CRTAC1: variants seen among roughly 807,000 people sequenced by gnomAD.
The protein encoded by CRTAC1 is cartilage acidic protein 1, also known as acidic secreted protein in cartilage.
CRTAC1 carries 37 observed loss-of-function variants against 67.8 expected under a neutral mutation model. The ratio of observed to expected loss-of-function variants is 0.55; its 90% confidence interval spans 0.42 to 0.72. The LOEUF (loss-of-function observed/expected upper bound fraction) is 0.72, where lower values mean the gene tolerates loss of function less well. CRTAC1 is among the 30% of genes least tolerant of loss of function. The probability of loss-of-function intolerance (pLI) is 0.00; values close to 1 mark genes in which losing one functional copy is unlikely to be tolerated. For synonymous variants in CRTAC1, 348 were observed against 371.0 expected (o/e 0.94, Z 0.71); for missense variants, 780 against 931.6 (o/e 0.84, Z 2.12).
At chr10:98,028,139 G>A (rs1410175111) in intron 1 of CRTAC1, among the ~76,000 whole-genome samples, 1 of 152,176 alleles carries the variant, frequency 6.6e-6, no homozygotes, top group Non-Finnish European at 1.5e-5. Flanking sequence ...GGGTGGGGCT[G>A]TGTACCAGCT....
At chr10:97,866,781 TGA>T (rs1462405083) in intron 14 of CRTAC1, 8 of 152,214 alleles carry the variant, frequency 5.3e-5, no homozygotes, top group African/African-American at 1.2e-4. Flanking sequence ...CATGTGTGTA[TGA>T]GTGTTCATGT....
At chr10:97,963,777 T>C (rs931432412) in intron 2 of CRTAC1, among the ~76,000 whole-genome samples, 3 of 152,226 alleles carry the variant, frequency 2.0e-5, no homozygotes, top group Non-Finnish European at 2.9e-5. Flanking sequence ...GTAAACACCA[T>C]GTATTGATAT....
intron 5 of CRTAC1, among the ~76,000 whole-genome samples, chr10:97,910,641 G>A (rs1227935697): frequency 6.6e-6 from 1 of 152,220 alleles, no homozygotes; most frequent in Non-Finnish European, 1.5e-5. Context: ...TTTCCCCAAA[G>A]TGACCATGCT....
chr10:98,002,889 C>T (rs1842720085), intron 2 of CRTAC1, among the ~76,000 whole-genome samples: 1 of 146,210 alleles, frequency 6.8e-6, no homozygotes, highest in African/African-American at 2.5e-5. Context: ...TGCCATTCTC[C>T]TGCCTCAGCC....
In CRTAC1 at chr10:97,923,360, A is replaced by G. The variant is rs958930690; in HGVS notation, c.462T>C (p.Asn154=). The change falls in exon 4 of 15, where the codon AAT becomes AAC. Residue 154 remains asparagine, a synonymous_variant. Coordinates refer to ENST00000370597, the MANE Select transcript of CRTAC1 (RefSeq NM_018058.7). ...TYTDKLFKFR[N]NRWEDILSDE... ...CGCTCAGGATGTCTTCCCACCGGTTATTGCGGAACTTGAACAACTTGTCGG... is the reference window on the plus strand; with the variant it reads ...CGCTCAGGATGTCTTCCCACCGGTTGTTGCGGAACTTGAACAACTTGTCGG... The G allele has an allele frequency of 1.9e-5, 30 of 1,613,948 alleles. No homozygotes were observed.
At chr10:97,938,565 T>C (rs80194168) in intron 2 of CRTAC1, among the ~76,000 whole-genome samples, 1,855 of 152,290 alleles carry the variant, frequency 0.012, 26 homozygotes, top group African/African-American at 0.042. Flanking sequence ...CCATGTTCTT[T>C]CCGTGCTGCC....
intron 9 of CRTAC1, 103 bp from the exon 10 acceptor site, chr10:97,896,088 C>A: frequency 1.0e-6 from 1 of 1,003,848 alleles, no homozygotes; most frequent in Non-Finnish European, 1.5e-6. Context: ...GCGTGGGAGC[C>A]AGAGAAAGCA....
At chr10:97,903,847 G>A (rs1283118196) in intron 7 of CRTAC1, among the ~76,000 whole-genome samples, 1 of 152,096 alleles carries the variant, frequency 6.6e-6, no homozygotes, top group Non-Finnish European at 1.5e-5. Context: ...AACAGCTCAG[G>A]GAGGGGGCAC....
chr10:97,928,161 C>T (rs1018407329), intron 3 of CRTAC1, among the ~76,000 whole-genome samples: 1 of 152,074 alleles, frequency 6.6e-6, no homozygotes, highest in Non-Finnish European at 1.5e-5. Context: ...TTCCCATTTC[C>T]ACCCTGATTC....
At chr10:97,900,834 C>T (rs1216637275) in intron 8 of CRTAC1, among the ~76,000 whole-genome samples, 1 of 107,062 alleles carries the variant, frequency 9.3e-6, no homozygotes, top group Non-Finnish European at 1.9e-5. Context: ...GACCCTGTAG[C>T]CCCTTTTCCT....
intron 14 of CRTAC1, chr10:97,878,552 T>C: frequency 8.0e-7 from 1 of 1,250,042 alleles, no homozygotes; most frequent in Non-Finnish European, 1.0e-6. Flanking sequence ...AATAGATCTA[T>C]GTTTTATAAC....
At chr10:97,990,725 G>A (rs1227285269) in intron 2 of CRTAC1, among the ~76,000 whole-genome samples, 1 of 152,122 alleles carries the variant, frequency 6.6e-6, no homozygotes, top group African/African-American at 2.4e-5. Context: ...TAACCTCCAG[G>A]GCTCAGCAAG....
At chr10:97,948,564 A>C (rs954534842) in intron 2 of CRTAC1, among the ~76,000 whole-genome samples, 5 of 152,208 alleles carry the variant, frequency 3.3e-5, no homozygotes, top group African/African-American at 1.2e-4. Flanking sequence ...TGGATGCTGC[A>C]GGCATCTAGG....
chr10:97,927,462 C>A (rs1396523064), intron 3 of CRTAC1, among the ~76,000 whole-genome samples: 1 of 152,200 alleles, frequency 6.6e-6, no homozygotes, highest in East Asian at 1.9e-4. Context: ...TTGTAGACCA[C>A]CTCTTAGCAC....
intron 2 of CRTAC1, among the ~76,000 whole-genome samples, chr10:97,953,275 C>A (rs1284644876): frequency 6.6e-6 from 1 of 152,080 alleles, no homozygotes; most frequent in African/African-American, 2.4e-5. Context: ...TCTTCTTTTC[C>A]TTTTGATATG....
chr10:97,948,781 G>A (rs1232507787), intron 2 of CRTAC1, among the ~76,000 whole-genome samples: 1 of 152,190 alleles, frequency 6.6e-6, no homozygotes, highest in Non-Finnish European at 1.5e-5. Context: ...GAAAGAGGTT[G>A]AATTGACTCA....
At chr10:97,948,946 A>G (rs764967645) in intron 2 of CRTAC1, among the ~76,000 whole-genome samples, 10 of 152,158 alleles carry the variant, frequency 6.6e-5, no homozygotes, top group African/African-American at 1.4e-4. Context: ...GTGAGAACTC[A>G]CTCGCTATCA....
Position 97,882,727 on chromosome 10 carries a change from G to T in CRTAC1, c.1675+59C>A, listed in dbSNP as rs1344052215. On this transcript the variant is annotated intron_variant, in intron 13 of 14. Transcript: ENST00000370597. ...CTGGACCTTGGCATGAGTCAGGCGG[G>T]CATTCCCCAGGGAGATTCCGGCCTC... 21 of 1,576,044 alleles carry T rather than the reference G, an allele frequency of 1.3e-5. No homozygotes were observed. The Admixed American group carries it at 3.3e-4, about 25-fold the overall frequency.
intron 1 of CRTAC1, among the ~76,000 whole-genome samples, chr10:98,027,706 C>T (rs1843266096): frequency 6.6e-6 from 1 of 152,218 alleles, no homozygotes; most frequent in South Asian, 2.1e-4. Flanking sequence ...ATTTTCTCCT[C>T]ACCTCCTCAC....
Sources: allele counts gnomAD v4.1 joint callset (sites outside exome capture counted in the v4.1 genomes callset), GRCh38; gene constraint gnomAD v4.1.1; transcripts MANE v1.5; gene names NCBI Gene and HGNC (gene_info 2026-07-23, HGNC 2026-07-21).